PLD1: variants seen among roughly 807,000 people sequenced by gnomAD.
PLD1 encodes the protein phospholipase D1.
A neutral mutation model predicts 137.1 loss-of-function variants in PLD1; 112 were observed. That is an observed-to-expected ratio of 0.82 (90% CI 0.70 to 0.96). The LOEUF is 0.96. PLD1 is among the 40% of genes least tolerant of loss of function. The pLI, the probability that PLD1 is intolerant of heterozygous loss-of-function variation, is 0.00. For synonymous variants in PLD1, 431 were observed against 454.7 expected (o/e 0.95, Z 0.66); for missense variants, 1,321 against 1,342.0 (o/e 0.98, Z 0.24).
rs76059407 is a variant in PLD1 at position 171,707,707 on chromosome 3, G to A, written c.1145+1048C>T. Reference sequence around the variant, plus strand: ...ATCTAGCAATGTATGAAGATATTATGGTGGTCACAACTGGGAACTTACTAC... The same window carrying A: ...ATCTAGCAATGTATGAAGATATTATAGTGGTCACAACTGGGAACTTACTAC... On this transcript the variant is annotated intron_variant, in intron 11 of 26. Transcript: ENST00000351298. 9.5e-3 allele frequency among the ~76,000 whole-genome samples: 1,439 copies of A among 152,232 alleles called. 15 individuals are homozygous for A. The highest frequency in any genetic ancestry group is 0.014 in the Admixed American group (219 of 15,284).
chr3:171,731,585 T>C (rs1718951674), intron 6 of PLD1, among the ~76,000 whole-genome samples: 2 of 151,924 alleles, frequency 1.3e-5, no homozygotes, highest in South Asian at 4.2e-4. Context: ...ATCGAAATCA[T>C]CCTGGCCAAC....
intron 21 of PLD1, among the ~76,000 whole-genome samples, chr3:171,651,108 T>C (rs566165672): frequency 6.6e-6 from 1 of 152,280 alleles, no homozygotes; most frequent in East Asian, 1.9e-4. Flanking sequence ...AGAAGCTTGA[T>C]CTGCTCACAA....
intron 1 of PLD1, among the ~76,000 whole-genome samples, chr3:171,746,874 T>C (rs758749530): frequency 7.8e-4 from 119 of 152,200 alleles, no homozygotes; most frequent in Non-Finnish European, 6.2e-4. Flanking sequence ...TGGGGCCCCC[T>C]TCAATACGGT....
intron 24 of PLD1, among the ~76,000 whole-genome samples, chr3:171,617,050 G>A (rs1182240459): frequency 6.6e-6 from 1 of 152,074 alleles, no homozygotes; most frequent in Admixed American, 6.6e-5. Context: ...TAACAAGGAA[G>A]CTTTTTAAAA....
chr3:171,754,011 CAT>C (rs1720847814), intron 1 of PLD1, among the ~76,000 whole-genome samples: 1 of 152,172 alleles, frequency 6.6e-6, no homozygotes, highest in African/African-American at 2.4e-5. Flanking sequence ...CATTGGGACT[CAT>C]ATCAGGTGTC....
chr3:171,713,375 C>A (rs1044350372), intron 9 of PLD1, among the ~76,000 whole-genome samples: 1 of 152,108 alleles, frequency 6.6e-6, no homozygotes, highest in Admixed American at 6.5e-5. Context: ...GTGGGAGAAT[C>A]GCTTGAACCT....
chr3:171,751,037 A>G (rs1720617446), intron 1 of PLD1, among the ~76,000 whole-genome samples: 2 of 152,226 alleles, frequency 1.3e-5, no homozygotes, highest in African/African-American at 4.8e-5. Flanking sequence ...GCATATGACA[A>G]AAGTGAAATG....
At chr3:171,622,732 A>G (rs977886452) in intron 23 of PLD1, among the ~76,000 whole-genome samples, 2 of 151,160 alleles carry the variant, frequency 1.3e-5, no homozygotes, top group African/African-American at 4.8e-5. Flanking sequence ...ATATAGTTGT[A>G]TAAGAGAAAT....
chr3:171,680,242 CTTTTTT>C (rs571538714), intron 16 of PLD1, among the ~76,000 whole-genome samples: 2 of 102,928 alleles, frequency 1.9e-5, no homozygotes, highest in African/African-American at 8.4e-5. Flanking sequence ...TTTTCTTCCT[CTTTTTT>C]TTTTTTTTTT....
intron 1 of PLD1, among the ~76,000 whole-genome samples, chr3:171,764,872 AAAG>A (rs1721743818): frequency 7.7e-5 from 2 of 26,016 alleles, no homozygotes; most frequent in African/African-American, 2.9e-4. Context: ...AGAAAGAAAG[AAAG>A]AAAGAAAGAA....
chr3:171,808,386 AT>A (rs1723958018), intron 1 of PLD1, among the ~76,000 whole-genome samples: 1 of 152,024 alleles, frequency 6.6e-6, no homozygotes, highest in Non-Finnish European at 1.5e-5. Flanking sequence ...AATACAAAAA[AT>A]CAACCGGGCG....
Position 171,686,728 on chromosome 3 carries a change from G to A in PLD1, c.1824C>T (p.His608=). The A allele has an allele frequency of 1.2e-6, 2 of 1,609,738 alleles. No homozygotes were observed. Among genetic ancestry groups the A allele is most frequent in the Non-Finnish European group, 8.5e-7 (1 of 1,176,102 alleles). ...HGLKPHFKLF[H]PSSESEQGLT... Reference sequence around the variant, plus strand: ...GTCCTTGCTCAGACTCACTGGACGGGTGAAAGAGTTTGAAGTGGGGTTTTA... The same window carrying A: ...GTCCTTGCTCAGACTCACTGGACGGATGAAAGAGTTTGAAGTGGGGTTTTA... The change falls in exon 16 of 27, where the codon CAC becomes CAT. Residue 608 remains histidine (H), a synonymous_variant. Transcript: ENST00000351298.
rs541706130 is a variant in PLD1 at position 171,621,701 on chromosome 3, G to A, written c.2594-1181C>T. 1.2e-4 allele frequency among the ~76,000 whole-genome samples: 18 copies of A among 152,278 alleles called. No individual in the cohort carries two copies. In the South Asian group the frequency reaches 3.3e-3, roughly 28 times the overall value. ...ATGTTGGTATACTAGTACACCATGT[G>A]TAAGAGATGCATTTCTAAAACGTTT... On this transcript the variant is annotated intron_variant, in intron 23 of 26. Transcript: ENST00000351298.
intron 17 of PLD1, 37 bp downstream of exon 17, chr3:171,677,529 C>T: frequency 6.3e-7 from 1 of 1,598,408 alleles, no homozygotes; most frequent in Non-Finnish European, 8.5e-7. Context: ...AGGTAAAAGA[C>T]AAAATATAAC....
intron 1 of PLD1, chr3:171,793,015 A>G: frequency 3.6e-6 from 1 of 276,824 alleles, no homozygotes; most frequent in Non-Finnish European, 7.1e-6. Flanking sequence ...TGAAGGTCCT[A>G]CGGATCCACG....
chr3:171,620,742 C>CTCTCTCTCTATA (rs1473647659), intron 23 of PLD1, among the ~76,000 whole-genome samples: 48 of 94,782 alleles, frequency 5.1e-4, no homozygotes, highest in South Asian at 1.6e-3. Context: ...CTCTCTCTCT[C>CTCTCTCTCTATA]TATATATATA....
At position 171,662,099 on chromosome 3, in the gene PLD1, G is replaced by A; in HGVS notation, c.2301C>T (p.Val767=). 2 of 1,612,932 alleles carry A rather than the reference G, an allele frequency of 1.2e-6. No individual in the cohort carries two copies. The highest frequency in any genetic ancestry group is 1.7e-6 in the Non-Finnish European group (2 of 1,178,922). ...YHEESIHAAY[V]HVIENSRHYI... Reference sequence around the variant, plus strand: ...AGTGCCTGCTGTTCTCTATCACATGGACGTAAGCGGCGTGGATGGACTCTT... The same window carrying A: ...AGTGCCTGCTGTTCTCTATCACATGAACGTAAGCGGCGTGGATGGACTCTT... The change falls in exon 20 of 27, where the codon GTC becomes GTT. Residue 767 remains valine, a synonymous_variant. Transcript: ENST00000351298.
At chr3:171,751,582 T>C (rs1472734672) in intron 1 of PLD1, among the ~76,000 whole-genome samples, 1 of 152,232 alleles carries the variant, frequency 6.6e-6, no homozygotes, top group Non-Finnish European at 1.5e-5. Flanking sequence ...GGAAGTCGTA[T>C]TGAAACAATG....
chr3:171,675,216 G>C (rs887381490), intron 18 of PLD1, among the ~76,000 whole-genome samples: 1 of 152,002 alleles, frequency 6.6e-6, no homozygotes, highest in African/African-American at 2.4e-5. Flanking sequence ...GCAAAAATGA[G>C]ACTATTGTTT....
Sources: gnomAD v4.1 joint callset for allele counts (sites outside exome capture counted in the v4.1 genomes callset) on GRCh38, gnomAD v4.1.1 for gene constraint, MANE v1.5 for transcripts, NCBI Gene and HGNC (gene_info 2026-07-23, HGNC 2026-07-21) for gene names.